HNRNPU: variants seen among roughly 807,000 people sequenced by gnomAD.
HNRNPU encodes heterogeneous nuclear ribonucleoprotein U.
Under a neutral mutation model 94.7 loss-of-function variants are expected in HNRNPU, and 5 were observed. That is an observed-to-expected ratio of 0.05 (90% CI 0.03 to 0.11). The LOEUF is 0.11. Ranked by LOEUF, HNRNPU falls within the 10% of genes least tolerant of loss-of-function variation. HNRNPU has a pLI of 1.00. For missense variants in HNRNPU, 710 were observed against 1,049.2 expected, an observed-to-expected ratio of 0.68 and a Z score of 4.47; for synonymous variants, 434 against 381.6, an observed-to-expected ratio of 1.14 and a Z score of -1.60.
chr1:244,857,744 T>C (rs755118682), intron 7 of HNRNPU, 27 bp from the exon 8 acceptor site: 4 of 1,608,792 alleles, frequency 2.5e-6, no homozygotes, highest in Non-Finnish European at 3.4e-6. Context: ...AAATGTCATT[T>C]CACTGTCAGT....
At chr1:244,855,767 A>C in intron 11 of HNRNPU, 137 bp downstream of exon 11, 1 of 1,254,892 alleles carries the variant, frequency 8.0e-7, no homozygotes, top group South Asian at 1.4e-5. Context: ...GGTGTATTTA[A>C]TATCAAATCA....
In HNRNPU at chr1:244,864,087, A is replaced by G; in HGVS notation, c.221T>C (p.Leu74Pro). ...GDSAGRSGAG[L>P]EQEAAAGGDE... Reference sequence around the variant, plus strand: ...GCCGCCGGCCGCGGCCTCCTGCTCGAGGCCTGCTCCCGAGCGCCCAGCGGA... The same window carrying G: ...GCCGCCGGCCGCGGCCTCCTGCTCGGGGCCTGCTCCCGAGCGCCCAGCGGA... The change falls in exon 1 of 14, where the codon CTC (leucine) becomes CCC (proline). Residue 74 changes from leucine to proline, a missense_variant. This residue lies in a region of HNRNPU where 292 missense variants were observed against 293.4 expected (regional missense o/e 1.00). Transcript: ENST00000640218. 6 of 1,598,710 alleles carry G rather than the reference A, an allele frequency of 3.8e-6. No individual in the cohort carries two copies. Among genetic ancestry groups the G allele is most frequent in the Non-Finnish European group, 5.1e-6 (6 of 1,172,994 alleles).
At chr1:244,854,668 A>G (rs1680628504) in intron 13 of HNRNPU, 165 bp from the exon 14 acceptor site, 1 of 611,280 alleles carries the variant, frequency 1.6e-6, no homozygotes, top group East Asian at 2.7e-5. Flanking sequence ...ATATCCCATA[A>G]TTATCAATAC....
At chr1:244,859,569 C>T (rs1389060778) in intron 4 of HNRNPU, 195 bp from the exon 5 acceptor site, 4 of 392,784 alleles carry the variant, frequency 1.0e-5, no homozygotes, top group Middle Eastern at 6.6e-4. Flanking sequence ...GAGTTAAATA[C>T]TTATTTGACC....
In HNRNPU at chr1:244,858,087, T is replaced by A. The variant is rs1433234888; in HGVS notation, c.1418A>T (p.Tyr473Phe). ...TAAGGGGACGTTCTGGATGAAAGTATACTCTTCAGGTATTGGAAAATATGG... is the reference window on the plus strand; with the variant it reads ...TAAGGGGACGTTCTGGATGAAAGTAAACTCTTCAGGTATTGGAAAATATGG... ...EKPYFPIPEEYTFIQNVPLED... is the reference protein window; with the variant it reads ...EKPYFPIPEEFTFIQNVPLED... The change falls in exon 7 of 14, where the codon TAT becomes TTT. Residue 473 changes from tyrosine to phenylalanine, a missense_variant. By Grantham distance (22) the Tyr-to-Phe change is conservative. Transcript: ENST00000640218. The A allele has an allele frequency of 6.2e-7, 1 of 1,614,092 alleles. No homozygotes were observed. Among genetic ancestry groups the A allele is most frequent in the Non-Finnish European group, 8.5e-7 (1 of 1,179,938 alleles).
chr1:244,854,472 T>C lies in HNRNPU; in HGVS notation c.2456A>G (p.His819Arg). ...QFWGQKPWSQ[H>R]YHQGYY ...TATTCAATAATATCCTTGGTGATAA[T>C]GCTGACTCCATGGCTTCTGACCCCA... The change falls in exon 14 of 14, where the codon CAT (histidine) becomes CGT (arginine). Residue 819 changes from histidine to arginine, a missense_variant. Around this residue, in one of 8 missense-constraint regions of HNRNPU, gnomAD observed 152 missense variants for 238.9 expected, o/e 0.64. Transcript: ENST00000640218. The C allele has an allele frequency of 3.1e-6, 5 of 1,609,130 alleles. No homozygotes were observed. The highest frequency in any genetic ancestry group is 3.4e-6 in the Non-Finnish European group (4 of 1,175,810).
At chr1:244,855,297 C>A in intron 12 of HNRNPU, 127 bp downstream of exon 12, 1 of 954,658 alleles carries the variant, frequency 1.0e-6, no homozygotes, top group Non-Finnish European at 1.6e-6. Flanking sequence ...ATTACTAGTT[C>A]AATTTTCCTT....
At chr1:244,856,425 T>C in intron 10 of HNRNPU, 32 bp downstream of exon 10, 2 of 1,582,538 alleles carry the variant, frequency 1.3e-6, no homozygotes, top group Non-Finnish European at 1.7e-6. Flanking sequence ...AAAAAGAAGA[T>C]TTCACACAGT....
In HNRNPU at chr1:244,851,619, C is replaced by G. The variant is rs971357302; in HGVS notation, c.*2831G>C. On this transcript the variant is annotated 3_prime_UTR_variant, in exon 14 of 14. Transcript: ENST00000640218. ...AGTGCTCAGAACATCTAGGTTCAGT[C>G]TTTATTTTTAAGACAGTATCTATCC... 6.6e-6 allele frequency: 1 copy of G among 152,110 alleles called. No homozygotes were observed. The highest frequency in any genetic ancestry group is 1.5e-5 in the Non-Finnish European group (1 of 68,010). 9.4% of individuals were successfully genotyped at this position (152,110 alleles called of 1,614,324 possible). A position where few individuals can be genotyped will look rare whatever the true frequency, so the allele number is the denominator to read the frequency against.
At chr1:244,862,970 T>C (rs1680879512) in intron 1 of HNRNPU, 1 of 555,248 alleles carries the variant, frequency 1.8e-6, no homozygotes, top group Non-Finnish European at 3.2e-6. Context: ...AAAGAAAAAC[T>C]GCGCGGCCCA....
intron 10 of HNRNPU, 133 bp from the exon 11 acceptor site, chr1:244,856,291 TA>T: frequency 8.8e-7 from 1 of 1,140,028 alleles, no homozygotes; most frequent in East Asian, 2.4e-5. Context: ...TATGCATATG[TA>T]ACAACTGCAA....
intron 6 of HNRNPU, 124 bp from the exon 7 acceptor site, chr1:244,858,398 G>T: frequency 1.2e-6 from 1 of 811,612 alleles, no homozygotes; most frequent in Non-Finnish European, 1.9e-6. Flanking sequence ...CTATTAGGTG[G>T]CCTTTAAGGG....
At chr1:244,859,217 C>A in intron 5 of HNRNPU, 58 bp downstream of exon 5, 2 of 879,856 alleles carry the variant, frequency 2.3e-6, no homozygotes, top group Non-Finnish European at 3.8e-6. Flanking sequence ...TTAAAAAACA[C>A]TGAAATCAGA....
Position 244,855,274 on chromosome 1 carries a change from G to A in HNRNPU, c.2352+150C>T, listed in dbSNP as rs997318822. 56 of 814,512 alleles carry A rather than the reference G, an allele frequency of 6.9e-5. 1 individual carries two copies. The highest frequency in any genetic ancestry group is 3.0e-4 in the Admixed American group (13 of 43,400). 50.5% of individuals were successfully genotyped at this position (814,512 alleles called of 1,614,324 possible). A position where few individuals can be genotyped will look rare whatever the true frequency, so the allele number is the denominator to read the frequency against. The stretch of plus-strand genomic sequence containing the variant: ...ACCTGAAAAAACTCAAAAGTAAGTA[G>A]ACTCATTTCACCATTACTAGTTCAA... On this transcript the variant is annotated intron_variant, in intron 12 of 13. Coordinates refer to ENST00000640218, the MANE Select transcript of HNRNPU (RefSeq NM_031844.3).
At chr1:244,854,686 A>G in intron 13 of HNRNPU, 183 bp from the exon 14 acceptor site, 1 of 573,930 alleles carries the variant, frequency 1.7e-6, no homozygotes, top group Non-Finnish European at 3.1e-6. Context: ...TACACATTAC[A>G]AAACGAAACA....
chr1:244,854,662 C>G, intron 13 of HNRNPU, 159 bp from the exon 14 acceptor site: 1 of 615,498 alleles, frequency 1.6e-6, no homozygotes, highest in Non-Finnish European at 2.9e-6. Flanking sequence ...GTTTTAATAT[C>G]CCATAATTAT....
intron 12 of HNRNPU, 136 bp downstream of exon 12, chr1:244,855,288 T>A (rs888988226): frequency 1.7e-5 from 15 of 873,888 alleles, no homozygotes; most frequent in Non-Finnish European, 2.7e-5. Flanking sequence ...CATTTCACCA[T>A]TACTAGTTCA....
chr1:244,863,039 G>A lies in HNRNPU; in HGVS notation c.692-309C>T, dbSNP rs529176068. 1,019 of 326,074 alleles carry A rather than the reference G, an allele frequency of 3.1e-3. 3 individuals are homozygous for A. Among genetic ancestry groups the A allele is most frequent in the Admixed American group, 5.6e-3 (116 of 20,532 alleles). The allele number at this position is 326,074 out of a possible 1,614,324, so 20.2% of individuals were successfully genotyped here. On this transcript the variant is annotated intron_variant, in intron 1 of 13. Coordinates refer to ENST00000640218, the MANE Select transcript of HNRNPU (RefSeq NM_031844.3). ...CAGAGAGGGGGAGGGGCCGAGCCCGGCGCGGCGGCGCTCCCCTCCCCCGCG... is the reference window on the plus strand; with the variant it reads ...CAGAGAGGGGGAGGGGCCGAGCCCGACGCGGCGGCGCTCCCCTCCCCCGCG...
chr1:244,854,646 G>C, intron 13 of HNRNPU, 143 bp from the exon 14 acceptor site: 1 of 638,040 alleles, frequency 1.6e-6, no homozygotes, highest in South Asian at 1.9e-5. Flanking sequence ...TACCAAACCA[G>C]ATTTAGTTTT....
Sources: gnomAD v4.1 joint callset for allele counts on GRCh38, gnomAD v4.1.1 for gene constraint, gnomAD v4.1.1 regional missense constraint, MANE v1.5 for transcripts, NCBI Gene and HGNC (gene_info 2026-07-23, HGNC 2026-07-21) for gene names.